Variants in EIF5B observed in about 807,000 individuals in gnomAD.
EIF5B encodes eukaryotic translation initiation factor 5B.
Under a neutral mutation model 147.5 loss-of-function variants are expected in EIF5B, and 47 were observed. The ratio of observed to expected loss-of-function variants is 0.32; its 90% CI spans 0.25 to 0.41. The LOEUF (loss-of-function observed/expected upper bound fraction) is 0.41. Ranked by LOEUF, EIF5B falls within the 10% of genes least tolerant of loss-of-function variation. EIF5B has a pLI of 1.00. For synonymous variants in EIF5B, 455 were observed against 456.2 expected (o/e 1.00, Z 0.03); for missense variants, 1,064 against 1,413.2 (o/e 0.75, Z 3.96).
In EIF5B at chr2:99,384,257, G is replaced by A. The variant is rs771952165; in HGVS notation, c.2271+1336G>A. 2.0e-5 allele frequency among the ~76,000 whole-genome samples: 3 copies of A among 151,748 alleles called. No individual in the cohort carries two copies. The South Asian group carries it at 6.2e-4, about 31-fold the overall frequency. Reference sequence around the variant, plus strand: ...CTTTATAAATGGAAATATAAAACCTGGATGATAGCACGTCTATTCATAGCA... The same window carrying A: ...CTTTATAAATGGAAATATAAAACCTAGATGATAGCACGTCTATTCATAGCA... On this transcript the variant is annotated intron_variant, in intron 14 of 23. Coordinates refer to ENST00000289371, the MANE Select transcript of EIF5B (RefSeq NM_015904.4).
intron 1 of EIF5B, among the ~76,000 whole-genome samples, chr2:99,340,094 T>C (rs2094256517): frequency 6.6e-6 from 1 of 152,228 alleles, no homozygotes; most frequent in Admixed American, 6.5e-5. Flanking sequence ...GGCTTTCAGA[T>C]TGTGTTTAAG....
At chr2:99,393,345 A>C (rs1380057771) in intron 18 of EIF5B, among the ~76,000 whole-genome samples, 2 of 152,160 alleles carry the variant, frequency 1.3e-5, no homozygotes, top group African/African-American at 4.8e-5. Flanking sequence ...AAATGAGTCA[A>C]AAGCTAGAAG....
intron 1 of EIF5B, among the ~76,000 whole-genome samples, chr2:99,339,136 T>A (rs540856957): frequency 3.4e-4 from 52 of 151,184 alleles, no homozygotes; most frequent in African/African-American, 1.2e-3. Context: ...TGCCTCAGCC[T>A]CCGAGTAGCT....
chr2:99,363,467 T>C (rs1317780418), intron 4 of EIF5B, among the ~76,000 whole-genome samples, 178 bp from the exon 5 acceptor site: 3 of 152,202 alleles, frequency 2.0e-5, no homozygotes, highest in Admixed American at 2.0e-4. Flanking sequence ...CTGTGAGTTA[T>C]TCTGAGCTAT....
At chr2:99,368,673 A>T in intron 7 of EIF5B, 82 bp downstream of exon 7, 1 of 1,111,756 alleles carries the variant, frequency 9.0e-7, no homozygotes, top group South Asian at 1.4e-5. Context: ...GTCTGTAAAG[A>T]AGAAAGGAAA....
In EIF5B at chr2:99,399,617, C is replaced by G. The variant is rs918839983; in HGVS notation, c.*203C>G. 4.0e-5 allele frequency: 21 copies of G among 523,034 alleles called. No individual in the cohort carries two copies. The Middle Eastern group carries it at 5.4e-3, about 135-fold the overall frequency. 32.4% of individuals were successfully genotyped at this position (523,034 alleles called of 1,614,324 possible). On this transcript the variant is annotated 3_prime_UTR_variant, in exon 24 of 24. Coordinates refer to ENST00000289371, the MANE Select transcript of EIF5B (RefSeq NM_015904.4). ...GACAGTGGTCAGTTACATGTCCCCA[C>G]AGTTCCAATGTGCCTGTTCACTCAC...
At position 99,400,156 on chromosome 2, in the gene EIF5B, A is replaced by G. The variant is rs1357295940; in HGVS notation, c.*742A>G. 1.4e-5 allele frequency: 2 copies of G among 148,070 alleles called. No homozygotes were observed. The highest frequency in any genetic ancestry group is 2.9e-5 in the Non-Finnish European group (2 of 68,018). 9.2% of individuals were successfully genotyped at this position (148,070 alleles called of 1,614,324 possible). Reference sequence around the variant, plus strand: ...CAAGAATTATCTTACAAACTAAACTATCATCACACTACCTTGTATGCCAGC... The same window carrying G: ...CAAGAATTATCTTACAAACTAAACTGTCATCACACTACCTTGTATGCCAGC... On this transcript the variant is annotated 3_prime_UTR_variant, in exon 24 of 24. Transcript: ENST00000289371.
rs553291059 is a variant in EIF5B at position 99,359,928 on chromosome 2, CTTCA to C, written c.36-303_36-300del. ...TTAAGATCTCCCATTTTATAAATAA[CTTCA>C]TTCAGACGCACAAAAAACCTTTGGT... On this transcript the variant is annotated intron_variant, in intron 1 of 23. Coordinates refer to ENST00000289371, the MANE Select transcript of EIF5B (RefSeq NM_015904.4). Among the ~76,000 whole-genome samples, 203 of 152,300 alleles carry C rather than the reference CTTCA, an allele frequency of 1.3e-3. 4 individuals are homozygous for C. Among genetic ancestry groups the C allele is most frequent in the African/African-American group, 4.6e-3 (190 of 41,554 alleles).
rs1404034695 is a variant in EIF5B at position 99,361,215 on chromosome 2, A to T, written c.314A>T (p.Lys105Ile). ...AAAAAGAAAGGACAGAAGGGCAAAA[A>T]ACAGAGTTTTGATGATAATGATAGC... ...DKKKKGQKGK[K>I]QSFDDNDSEE... is the part of the protein sequence containing the mutation. Residue 105 changes from lysine (K) to isoleucine (I), a missense_variant, in exon 4 of 24, where the codon AAA becomes ATA. This residue lies in a region of EIF5B where 458 missense variants were observed against 451.3 expected (regional missense o/e 1.01). Transcript: ENST00000289371. The T allele has an allele frequency of 3.1e-6, 5 of 1,601,080 alleles. No individual in the cohort carries two copies. The highest frequency in any genetic ancestry group is 4.2e-6 in the Non-Finnish European group (5 of 1,176,874).
Position 99,401,142 on chromosome 2 carries a change from A to AATT in EIF5B, c.*1731_*1733dup, listed in dbSNP as rs781212915. 16 of 640,424 alleles carry AATT rather than the reference A, an allele frequency of 2.5e-5. No individual in the cohort carries two copies. The highest frequency in any genetic ancestry group is 3.9e-5 in the Non-Finnish European group (15 of 387,592). 39.7% of individuals were successfully genotyped at this position (640,424 alleles called of 1,614,324 possible). Reference sequence around the variant, plus strand: ...AACACTTGCTTTAAAAGAAATTTAAAATTATAAAAACTCCGAGCATTACTA... The same window carrying AATT: ...AACACTTGCTTTAAAAGAAATTTAAAATTATTATAAAAACTCCGAGCATTACTA... On this transcript the variant is annotated 3_prime_UTR_variant, in exon 24 of 24. Transcript: ENST00000289371.
chr2:99,360,457 T>C lies in EIF5B; in HGVS notation c.162-8T>C, dbSNP rs749997963. 1.1e-5 allele frequency: 17 copies of C among 1,611,794 alleles called. No individual in the cohort carries two copies. The South Asian group carries it at 1.8e-4, about 17-fold the overall frequency. On this transcript the variant is annotated splice_region_variant and splice_polypyrimidine_tract_variant and intron_variant, in intron 2 of 23. Transcript: ENST00000289371. ...AGTGCTTCACAATGTATTTTAATCCTTTTCTAGTGAAGATGATATCCTGAA... is the reference window on the plus strand; with the variant it reads ...AGTGCTTCACAATGTATTTTAATCCCTTTCTAGTGAAGATGATATCCTGAA...
In EIF5B at chr2:99,360,500, C is replaced by G. The variant is rs1441733760; in HGVS notation, c.197C>G (p.Ser66Cys). 4.3e-6 allele frequency: 7 copies of G among 1,613,720 alleles called. No individual in the cohort carries two copies. In the South Asian group the frequency reaches 4.4e-5, roughly 10 times the overall value. ...DDILKELEELSLEAQGIKADR... is the reference protein window; with the variant it reads ...DDILKELEELCLEAQGIKADR... The stretch of plus-strand genomic sequence containing the variant: ...ATCCTGAAAGAACTGGAAGAATTGT[C>G]TTTGGAAGCTCAAGGCATCAAAGCT... The change falls in exon 3 of 24, where the codon TCT becomes TGT. Residue 66 changes from serine (S) to cysteine (C), a missense_variant. Coordinates refer to ENST00000289371, the MANE Select transcript of EIF5B (RefSeq NM_015904.4).
chr2:99,386,476 TG>T (rs1674810281), intron 14 of EIF5B, among the ~76,000 whole-genome samples: 1 of 48,294 alleles, frequency 2.1e-5, no homozygotes, highest in Non-Finnish European at 4.3e-5. Flanking sequence ...TGCGTGTGTG[TG>T]TGTGTGTGTG....
At position 99,399,627 on chromosome 2, in the gene EIF5B, G is replaced by A. The variant is rs1377138765; in HGVS notation, c.*213G>A. 2.2e-5 allele frequency: 11 copies of A among 495,248 alleles called. No individual in the cohort carries two copies. Among genetic ancestry groups the A allele is most frequent in the Non-Finnish European group, 3.3e-5 (9 of 271,598 alleles). The allele number at this position is 495,248 out of a possible 1,614,324, so 30.7% of individuals were successfully genotyped here. A position where few individuals can be genotyped will look rare whatever the true frequency, so the allele number is the denominator to read the frequency against. The stretch of plus-strand genomic sequence containing the variant: ...AGTTACATGTCCCCACAGTTCCAAT[G>A]TGCCTGTTCACTCACCTCTCCCTTC... On this transcript the variant is annotated 3_prime_UTR_variant, in exon 24 of 24. Coordinates refer to ENST00000289371, the MANE Select transcript of EIF5B (RefSeq NM_015904.4).
rs370488674 is a variant in EIF5B at position 99,379,382 on chromosome 2, A to C, written c.2015A>C (p.Asn672Thr). The C allele has an allele frequency of 5.0e-6, 8 of 1,613,576 alleles. No homozygotes were observed. The African/African-American group carries it at 9.3e-5, about 19-fold the overall frequency. Residue 672 changes from asparagine (N) to threonine (T), a missense_variant, in exon 12 of 24, where the codon AAT becomes ACT. Transcript: ENST00000289371. ...ATCACACAACAAATTGGGGCCACCA[A>C]TGTTCCTCTTGAAGCTATTAATGAA... ...GGITQQIGAT[N>T]VPLEAINEQT... is the part of the protein sequence containing the mutation.
chr2:99,361,309 G>A lies in EIF5B; in HGVS notation c.408G>A (p.Gly136=). Residue 136 remains glycine, a synonymous_variant, in exon 4 of 24, where the codon GGG becomes GGA. Transcript: ENST00000289371. ...AACCGAAAGTGGAAATGTACTCTGG[G>A]AGTGATGATGATGATGATTTTAACA... The part of the protein sequence containing the change: ...TAKPKVEMYS[G]SDDDDDFNKL... The A allele has an allele frequency of 6.2e-7, 1 of 1,609,462 alleles. No individual in the cohort carries two copies. Among genetic ancestry groups the A allele is most frequent in the Non-Finnish European group, 8.5e-7 (1 of 1,178,996 alleles).
intron 1 of EIF5B, among the ~76,000 whole-genome samples, chr2:99,353,146 C>T (rs749682689): frequency 4.6e-5 from 7 of 151,316 alleles, no homozygotes; most frequent in Non-Finnish European, 7.4e-5. Flanking sequence ...TCCTGAGTAG[C>T]TGGGACTACA....
At chr2:99,362,422 G>C (rs1357691423) in intron 4 of EIF5B, among the ~76,000 whole-genome samples, 1 of 152,092 alleles carries the variant, frequency 6.6e-6, no homozygotes, top group Admixed American at 6.6e-5. Flanking sequence ...AGTAGTTTTT[G>C]GGCTGGGCGC....
Position 99,363,866 on chromosome 2 carries a change from T to G in EIF5B, c.1137+4T>G, listed in dbSNP as rs531826437. The G allele has an allele frequency of 8.1e-6, 13 of 1,599,670 alleles. No homozygotes were observed. The South Asian group carries it at 1.5e-4, about 18-fold the overall frequency. On this transcript the variant is annotated splice_donor_region_variant and intron_variant, in intron 5 of 23. Transcript: ENST00000289371. The stretch of plus-strand genomic sequence containing the variant: ...AGAAGCCAAGCGTAAAGAAGAGGTA[T>G]GTTTTCATGAAGTTGGTAACATTGA...
Sources: gnomAD v4.1 joint callset for allele counts (sites outside exome capture counted in the v4.1 genomes callset) on GRCh38, gnomAD v4.1.1 for gene constraint, gnomAD v4.1.1 regional missense constraint, MANE v1.5 for transcripts, NCBI Gene and HGNC (gene_info 2026-07-23, HGNC 2026-07-21) for gene names.